Variants in ABHD12 observed in about 807,000 individuals in gnomAD.
ABHD12 encodes the protein lysophosphatidylserine lipase ABHD12.
Under a neutral mutation model 58.3 loss-of-function variants are expected in ABHD12, and 43 were observed. The observed-to-expected ratio is 0.74, with a 90% CI of 0.58 to 0.95. The LOEUF is 0.95. ABHD12 is among the 40% of genes least tolerant of loss of function. The pLI is 0.00. For synonymous variants in ABHD12, 219 were observed against 211.2 expected, an observed-to-expected ratio of 1.04 and a Z score of -0.32; for missense variants, 539 against 537.2, an observed-to-expected ratio of 1.00 and a Z score of -0.03.
intron 1 of ABHD12, among the ~76,000 whole-genome samples, chr20:25,356,079 G>T (rs936409720): frequency 2.0e-5 from 3 of 152,212 alleles, no homozygotes; most frequent in Admixed American, 6.5e-5. Flanking sequence ...GATGAAGCCT[G>T]TTTCTATTGA....
In ABHD12 at chr20:25,320,262, T is replaced by A. The variant is rs1314878525; in HGVS notation, c.479A>T (p.Tyr160Phe). 6.2e-7 allele frequency: 1 copy of A among 1,614,062 alleles called. No homozygotes were observed. Among genetic ancestry groups the A allele is most frequent in the Non-Finnish European group, 8.5e-7 (1 of 1,180,044 alleles). Residue 160 changes from tyrosine to phenylalanine, a missense_variant, in exon 4 of 13, where the codon TAT (tyrosine) becomes TTT (phenylalanine). Physicochemically the swap from Tyr to Phe is conservative, Grantham distance 22. Coordinates refer to ENST00000339157, the MANE Select transcript of ABHD12 (RefSeq NM_001042472.3). ...GTGGCTGGAAGCCAAGGCATCCTCATACCACATCTGGTCTTTGCCTTGGGC... is the reference window on the plus strand; with the variant it reads ...GTGGCTGGAAGCCAAGGCATCCTCAAACCACATCTGGTCTTTGCCTTGGGC... ...KNAQGKDQMW[Y>F]EDALASSHPI...
intron 1 of ABHD12, among the ~76,000 whole-genome samples, chr20:25,387,225 T>A (rs930397883): frequency 1.7e-4 from 26 of 152,152 alleles, no homozygotes; most frequent in African/African-American, 6.3e-4. Flanking sequence ...CTCAGTGTCA[T>A]CCCTATTATT....
intron 1 of ABHD12, among the ~76,000 whole-genome samples, chr20:25,351,195 T>G (rs1475525072): frequency 6.6e-6 from 1 of 152,348 alleles, no homozygotes; most frequent in South Asian, 2.1e-4. Context: ...AACAGTGACA[T>G]CATTGGATCT....
intron 1 of ABHD12, among the ~76,000 whole-genome samples, chr20:25,358,729 T>G (rs908701224): frequency 6.6e-6 from 1 of 152,160 alleles, no homozygotes; most frequent in African/African-American, 2.4e-5. Flanking sequence ...CACGTGAACT[T>G]GGACCCCTTG....
At chr20:25,298,071 G>T (rs1420901842), downstream of ABHD12, 1 of 152,266 alleles carries the variant, frequency 6.6e-6, no homozygotes, top group Non-Finnish European at 1.5e-5. Flanking sequence ...ATGAGACTGT[G>T]GGAAGCAGAG....
chr20:25,296,264 A>C, downstream of ABHD12: 3 of 1,409,544 alleles, frequency 2.1e-6, no homozygotes, highest in Non-Finnish European at 3.0e-6. Context: ...GATGGCCCCA[A>C]GGCTCGGAGC....
chr20:25,299,618 T>G (rs1041268568), downstream of ABHD12, among the ~76,000 whole-genome samples: 2 of 151,678 alleles, frequency 1.3e-5, no homozygotes, highest in Non-Finnish European at 2.9e-5. Flanking sequence ...TGTGCTGGAG[T>G]AAACCTATGT....
intron 1 of ABHD12, among the ~76,000 whole-genome samples, chr20:25,370,736 G>A (rs2089889976): frequency 6.6e-6 from 1 of 152,170 alleles, no homozygotes; most frequent in African/African-American, 2.4e-5. Flanking sequence ...ATCTCATGAG[G>A]CAGCTGTGAG....
chr20:25,343,305 C>T (rs762885906), intron 1 of ABHD12, among the ~76,000 whole-genome samples: 8 of 152,120 alleles, frequency 5.3e-5, no homozygotes, highest in Non-Finnish European at 8.8e-5. Context: ...ACCAATTATC[C>T]GCAATCTCTT....
intron 1 of ABHD12, among the ~76,000 whole-genome samples, chr20:25,380,739 T>C (rs149054605): frequency 5.3e-5 from 8 of 152,286 alleles, no homozygotes; most frequent in Admixed American, 2.0e-4. Context: ...CTGACTCCTC[T>C]GTCCTGACTT....
chr20:25,300,584 CCAACAAGATCT>C lies in ABHD12; in HGVS notation c.*250_*260del. 1 of 1,428,488 alleles carries C rather than the reference CCAACAAGATCT, an allele frequency of 7.0e-7. No homozygotes were observed. Among genetic ancestry groups the C allele is most frequent in the Non-Finnish European group, 9.1e-7 (1 of 1,095,516 alleles). The allele number at this position is 1,428,488 out of a possible 1,614,324, so 88.5% of individuals were successfully genotyped here. On this transcript the variant is annotated 3_prime_UTR_variant, in exon 13 of 13. Transcript: ENST00000339157. ...TGGCTGCCTGCTGCCATTAAGTCTC[CCAACAAGATCT>C]CAGGTTGAGGGGCGGCAAGGAGAGC...
intron 1 of ABHD12, chr20:25,368,163 C>G (rs971046797): frequency 1.1e-6 from 1 of 905,998 alleles, no homozygotes; most frequent in African/African-American, 1.7e-5. Flanking sequence ...AAGGGAACTG[C>G]AGCAAGAGCA....
intron 1 of ABHD12, among the ~76,000 whole-genome samples, chr20:25,371,670 CAA>C (rs1451471760): frequency 2.0e-5 from 3 of 152,160 alleles, no homozygotes; most frequent in Non-Finnish European, 4.4e-5. Flanking sequence ...AATCATTATA[CAA>C]AGTTAGCTTC....
At chr20:25,306,180 C>CAAAAAAA (rs11474922) in intron 10 of ABHD12, among the ~76,000 whole-genome samples, 1 of 137,596 alleles carries the variant, frequency 7.3e-6, no homozygotes, top group Non-Finnish European at 1.6e-5. Context: ...AAAACAAAAA[C>CAAAAAAA]AAAAAAAAAA....
intron 1 of ABHD12, among the ~76,000 whole-genome samples, chr20:25,352,714 CA>C (rs1361056783): frequency 6.6e-6 from 1 of 152,048 alleles, no homozygotes; most frequent in Non-Finnish European, 1.5e-5. Flanking sequence ...ACATATCTAT[CA>C]AAAAGATTTC....
At chr20:25,347,515 G>T (rs1178669142) in intron 1 of ABHD12, among the ~76,000 whole-genome samples, 1 of 152,002 alleles carries the variant, frequency 6.6e-6, no homozygotes, top group African/African-American at 2.4e-5. Context: ...TTCCATTTCA[G>T]TCAGTGTTAT....
chr20:25,353,177 G>C (rs915563199), intron 1 of ABHD12, among the ~76,000 whole-genome samples: 3 of 151,312 alleles, frequency 2.0e-5, no homozygotes, highest in Admixed American at 6.6e-5. Context: ...CAAAATAACA[G>C]ACAAAATAAA....
At chr20:25,318,624 T>C (rs891447069) in intron 4 of ABHD12, among the ~76,000 whole-genome samples, 1 of 149,734 alleles carries the variant, frequency 6.7e-6, no homozygotes. Context: ...ACACTGAAAG[T>C]CACGGCATCC....
intron 1 of ABHD12, chr20:25,368,233 A>C (rs1364795395): frequency 2.2e-5 from 32 of 1,434,480 alleles, no homozygotes; most frequent in Non-Finnish European, 3.0e-5. Flanking sequence ...GAGCTACAGA[A>C]GGAATGGTCT....
Sources: allele counts gnomAD v4.1 joint callset (sites outside exome capture counted in the v4.1 genomes callset), GRCh38; gene constraint gnomAD v4.1.1; transcripts MANE v1.5; gene names NCBI Gene and HGNC (gene_info 2026-07-23, HGNC 2026-07-21).